The following PKN2 variants were observed in gnomAD, a reference collection of about 807,000 sequenced individuals.
The protein encoded by PKN2 is serine/threonine-protein kinase N2.
In PKN2, 38 loss-of-function variants were observed where a neutral mutation model predicts 119.1. The observed-to-expected ratio is 0.32, with a 90% CI of 0.25 to 0.42. The LOEUF is 0.42. Ranked by LOEUF, PKN2 falls within the 10% of genes least tolerant of loss-of-function variation. The pLI is 1.00. For missense variants in PKN2, 850 were observed against 1,165.1 expected (o/e 0.73, Z 3.94); for synonymous variants, 390 against 384.9 (o/e 1.01, Z -0.15).
chr1:88,803,507 A>G (rs1239313364), intron 8 of PKN2, among the ~76,000 whole-genome samples: 1 of 152,210 alleles, frequency 6.6e-6, no homozygotes, highest in Admixed American at 6.5e-5. Context: ...AAAGTCCAGT[A>G]CTTTATGATT....
At chr1:88,827,639 C>CTCTCT (rs1672556882) in intron 18 of PKN2, among the ~76,000 whole-genome samples, 1 of 128,948 alleles carries the variant, frequency 7.8e-6, no homozygotes, top group African/African-American at 3.1e-5. Context: ...CTTCCCTTCC[C>CTCTCT]TCCCCTCTTC....
At chr1:88,783,067 T>C (rs1399562030) in intron 6 of PKN2, among the ~76,000 whole-genome samples, 1 of 152,190 alleles carries the variant, frequency 6.6e-6, no homozygotes, top group East Asian at 1.9e-4. Flanking sequence ...GCCTCATGAA[T>C]TGAGATTTTC....
At chr1:88,725,503 T>C (rs902535654) in intron 1 of PKN2, among the ~76,000 whole-genome samples, 2 of 152,198 alleles carry the variant, frequency 1.3e-5, no homozygotes, top group African/African-American at 2.4e-5. Context: ...TAATAGCTAA[T>C]GATGTTGGCA....
At chr1:88,811,417 G>A (rs1042594132) in intron 15 of PKN2, among the ~76,000 whole-genome samples, 5 of 152,138 alleles carry the variant, frequency 3.3e-5, no homozygotes, top group Non-Finnish European at 7.4e-5. Context: ...GGAAGTACAC[G>A]AAACATGTTA....
At position 88,807,196 on chromosome 1, in the gene PKN2, A is replaced by G. The variant is rs547459360; in HGVS notation, c.1804-117A>G. ...TTTAAAGAATGAGTATCTGAATTTT[A>G]CTTTTCACTCCAACATTTATATTGA... is the stretch of plus-strand genomic sequence containing the variant. On this transcript the variant is annotated intron_variant, in intron 12 of 21. Transcript: ENST00000370521. 4 of 820,036 alleles carry G rather than the reference A, an allele frequency of 4.9e-6. No individual in the cohort carries two copies. In the South Asian group the frequency reaches 7.3e-5, roughly 15 times the overall value. 50.8% of individuals were successfully genotyped at this position (820,036 alleles called of 1,614,324 possible).
intron 1 of PKN2, among the ~76,000 whole-genome samples, chr1:88,697,248 C>A (rs1163352509): frequency 6.6e-6 from 1 of 152,138 alleles, no homozygotes; most frequent in African/African-American, 2.4e-5. Context: ...TCTTACTCCT[C>A]TTTATGTCGC....
rs536736762 is a variant in PKN2 at position 88,704,187 on chromosome 1, A to G, written c.48+19559A>G. On this transcript the variant is annotated intron_variant, in intron 1 of 21. Coordinates refer to ENST00000370521, the MANE Select transcript of PKN2 (RefSeq NM_006256.4). Reference sequence around the variant, plus strand: ...CTCCCAGTCCCTACTTTCTGTCACTATAGATGAATTTGCCTTTTGTGGAGT... The same window carrying G: ...CTCCCAGTCCCTACTTTCTGTCACTGTAGATGAATTTGCCTTTTGTGGAGT... Among the ~76,000 whole-genome samples, 153 of 152,256 alleles carry G rather than the reference A, an allele frequency of 1.0e-3. 1 individual carries two copies. The highest frequency in any genetic ancestry group is 1.9e-3 in the African/African-American group (81 of 41,554).
chr1:88,754,914 T>G (rs972621170), intron 2 of PKN2, among the ~76,000 whole-genome samples: 1 of 152,162 alleles, frequency 6.6e-6, no homozygotes, highest in African/African-American at 2.4e-5. Flanking sequence ...ATAATAATGT[T>G]TAGAAGGTTA....
Position 88,805,929 on chromosome 1 carries a change from C to G in PKN2, c.1715C>G (p.Pro572Arg). ...TVTKLDFDLEPEPPPAPPRAS... is the reference protein window; with the variant it reads ...TVTKLDFDLEREPPPAPPRAS... The stretch of plus-strand genomic sequence containing the variant: ...ACCAAATTGGACTTTGATCTTGAGC[C>G]TGAACCTCCTCCAGCCCCACCACGA... The change falls in exon 12 of 22, where the codon CCT (proline) becomes CGT (arginine). Residue 572 changes from proline (P) to arginine (R), a missense_variant. Pro to Arg is a moderately radical substitution (Grantham distance 103, BLOSUM62 -2). Transcript: ENST00000370521. 1 of 1,613,854 alleles carries G rather than the reference C, an allele frequency of 6.2e-7. No homozygotes were observed. The highest frequency in any genetic ancestry group is 1.1e-5 in the South Asian group (1 of 91,060).
rs752796452 is a variant in PKN2 at position 88,813,743 on chromosome 1, C to CTTT, written c.2279+11_2279+13dup. The CTTT allele has an allele frequency of 6.5e-7, 1 of 1,544,930 alleles. No individual in the cohort carries two copies. Among genetic ancestry groups the CTTT allele is most frequent in the Non-Finnish European group, 8.7e-7 (1 of 1,154,076 alleles). ...CTGAACCAAGAGCTGTGTGAGTATG[C>CTTT]TTTAGACATTTGTCTGAGTTTTTCC... On this transcript the variant is annotated intron_variant, in intron 16 of 21. Coordinates refer to ENST00000370521, the MANE Select transcript of PKN2 (RefSeq NM_006256.4).
At chr1:88,809,754 C>G (rs187028397) in intron 15 of PKN2, among the ~76,000 whole-genome samples, 19 of 152,240 alleles carry the variant, frequency 1.2e-4, no homozygotes, top group Non-Finnish European at 4.4e-5. Flanking sequence ...CCCATTGGGA[C>G]CACAGGTGCA....
intron 3 of PKN2, among the ~76,000 whole-genome samples, chr1:88,761,612 T>TA (rs368283566): frequency 0.059 from 6,048 of 101,808 alleles, 176 homozygotes; most frequent in African/African-American, 0.069. Context: ...CCTGTCTCTT[T>TA]AAAAAAAAAA....
At chr1:88,771,346 C>A in intron 4 of PKN2, 75 bp from the exon 5 acceptor site, 2 of 1,092,852 alleles carry the variant, frequency 1.8e-6, no homozygotes, top group South Asian at 1.6e-5. Flanking sequence ...GAATTCATTT[C>A]TTTTCATGAT....
intron 1 of PKN2, among the ~76,000 whole-genome samples, chr1:88,708,779 TA>T (rs550329786): frequency 1.1e-4 from 17 of 152,068 alleles, no homozygotes; most frequent in South Asian, 2.1e-4. Flanking sequence ...CACTGATTTT[TA>T]ACATTGTTTT....
chr1:88,832,746 T>A lies in PKN2; in HGVS notation c.2565T>A (p.Ser855=). 6.4e-7 allele frequency: 1 copy of A among 1,566,738 alleles called. No homozygotes were observed. Among genetic ancestry groups the A allele is most frequent in the Non-Finnish European group, 8.7e-7 (1 of 1,146,364 alleles). Residue 855 remains serine (S), a splice_region_variant and synonymous_variant, in exon 20 of 22, where the codon TCT becomes TCA. Transcript: ENST00000370521. The part of the protein sequence containing the change: ...VLIYEMLVGE[S]PFPGDDEEEV... The stretch of plus-strand genomic sequence containing the variant: ...TTACTCAAAGGTATTTCTTCTAGTC[T>A]CCCTTTCCTGGTGATGATGAAGAGG...
chr1:88,757,150 T>A (rs1298167307), intron 2 of PKN2, among the ~76,000 whole-genome samples: 1 of 152,230 alleles, frequency 6.6e-6, no homozygotes, highest in Non-Finnish European at 1.5e-5. Flanking sequence ...AAACCTTTCC[T>A]GAATTGAACT....
chr1:88,784,248 C>T (rs112157110), intron 6 of PKN2, among the ~76,000 whole-genome samples: 3 of 150,944 alleles, frequency 2.0e-5, no homozygotes, highest in South Asian at 4.2e-4. Flanking sequence ...CCCAGCCTCC[C>T]GGATAGCTGG....
At position 88,807,711 on chromosome 1, in the gene PKN2, A is replaced by C. The variant is rs527828717; in HGVS notation, c.2038A>C (p.Asn680His). 3 of 1,602,194 alleles carry C rather than the reference A, an allele frequency of 1.9e-6. No individual in the cohort carries two copies. Among genetic ancestry groups the C allele is most frequent in the Non-Finnish European group, 2.6e-6 (3 of 1,172,638 alleles). ...GCTTTTAGCTGAATATAAAAACACA[A>C]ATGAGATGTTTGCTATAAAAGCCTT... ...KVLLAEYKNT[N>H]EMFAIKALKK... is the part of the protein sequence containing the mutation. The change falls in exon 15 of 22, where the codon AAT becomes CAT. Residue 680 changes from asparagine to histidine, a missense_variant. Coordinates refer to ENST00000370521, the MANE Select transcript of PKN2 (RefSeq NM_006256.4).
chr1:88,706,048 T>TG (rs71584924), intron 1 of PKN2, among the ~76,000 whole-genome samples: 77,140 of 151,746 alleles, frequency 0.51, 20,300 homozygotes, highest in Middle Eastern at 0.71. Flanking sequence ...GATTTTTGAA[T>TG]GGGGTTGCAC....
Sources: gnomAD v4.1 joint callset for allele counts (sites outside exome capture counted in the v4.1 genomes callset) on GRCh38, gnomAD v4.1.1 for gene constraint, MANE v1.5 for transcripts, NCBI Gene and HGNC (gene_info 2026-07-23, HGNC 2026-07-21) for gene names.